Variants in TXNL4A observed in about 807,000 individuals in gnomAD.
The protein encoded by TXNL4A is thioredoxin-like protein 4A.
In TXNL4A, 17 loss-of-function variants were observed where a neutral mutation model predicts 14.6. That is an observed-to-expected ratio of 1.16 (90% CI 0.80 to 1.74). TXNL4A has a LOEUF of 1.74. TXNL4A is among the 40% of genes most tolerant of loss of function. The probability of loss-of-function intolerance (pLI) is 0.00; values close to 1 mark genes in which losing one functional copy is unlikely to be tolerated. For synonymous variants in TXNL4A, 83 were observed against 70.6 expected (o/e 1.18, Z -0.88); for missense variants, 74 against 195.2 (o/e 0.38, Z 3.70).
intron 1 of TXNL4A, among the ~76,000 whole-genome samples, chr18:79,987,988 CATTT>C (rs779841812): frequency 6.6e-6 from 1 of 152,254 alleles, no homozygotes; most frequent in Non-Finnish European, 1.5e-5. Context: ...ATAATTAATT[CATTT>C]GAGAGGAGGG....
rs544341365 is a variant in TXNL4A at position 79,997,585 on chromosome 18, G to A, written c.-60-19884C>T. On this transcript the variant is annotated intron_variant, in intron 1 of 2. Coordinates refer to the TXNL4A transcript ENST00000585474. Reference sequence around the variant, plus strand: ...AGTATTCCTGTAGATCCAGACAGCCGGTATTTGTTTACCTTTACTTGGAAA... The same window carrying A: ...AGTATTCCTGTAGATCCAGACAGCCAGTATTTGTTTACCTTTACTTGGAAA... Among the ~76,000 whole-genome samples the A allele has an allele frequency of 5.9e-5, 9 of 152,170 alleles. No individual in the cohort carries two copies. In the South Asian group the frequency reaches 1.2e-3, roughly 21 times the overall value.
intron 2 of TXNL4A, 50 bp downstream of exon 2, chr18:79,977,548 C>A: frequency 7.1e-7 from 1 of 1,412,012 alleles, no homozygotes; most frequent in Non-Finnish European, 9.9e-7. Flanking sequence ...TTACATTAAG[C>A]TTCCAAACTG....
At chr18:79,979,195 C>T (rs1447925221) in intron 1 of TXNL4A, 3 of 152,198 alleles carry the variant, frequency 2.0e-5, no homozygotes, top group Non-Finnish European at 4.4e-5. Context: ...ACCTCGGCCT[C>T]CCAAAGTGCT....
intron 1 of TXNL4A, among the ~76,000 whole-genome samples, chr18:79,997,373 C>T (rs1367810711): frequency 6.7e-6 from 1 of 148,724 alleles, no homozygotes; most frequent in Non-Finnish European, 1.5e-5. Context: ...GCCCCATATT[C>T]CCTGTAAAAC....
chr18:79,995,244 A>G (rs1264356805), intron 1 of TXNL4A: 1 of 152,232 alleles, frequency 6.6e-6, no homozygotes, highest in Non-Finnish European at 1.5e-5. Flanking sequence ...AGCTAAAGCT[A>G]AGTGGCTGGA....
upstream of TXNL4A, among the ~76,000 whole-genome samples, chr18:79,990,319 AT>A (rs2051617881): frequency 6.6e-6 from 1 of 152,256 alleles, no homozygotes; most frequent in South Asian, 2.1e-4. Context: ...CTTTCATTTT[AT>A]AATTGAGTAA....
chr18:80,004,187 G>C (rs563269483), intron 1 of TXNL4A, among the ~76,000 whole-genome samples: 1 of 152,204 alleles, frequency 6.6e-6, no homozygotes, highest in South Asian at 2.1e-4. Context: ...CCTTGGGGCA[G>C]GGTTGGCAGG....
At chr18:80,033,172 C>T (rs1382580527) in intron 1 of TXNL4A, among the ~76,000 whole-genome samples, 1 of 152,214 alleles carries the variant, frequency 6.6e-6, no homozygotes, top group Non-Finnish European at 1.5e-5. Context: ...AATATATACA[C>T]ACATACATAC....
intron 1 of TXNL4A, among the ~76,000 whole-genome samples, chr18:80,022,578 G>A (rs2051857114): frequency 1.3e-5 from 2 of 152,288 alleles, no homozygotes; most frequent in Admixed American, 6.5e-5. Flanking sequence ...TAGAATATAC[G>A]CCACTTTCTC....
chr18:79,977,888 C>T (rs546633554), intron 1 of TXNL4A, 187 bp from the exon 2 acceptor site: 11 of 574,736 alleles, frequency 1.9e-5, no homozygotes, highest in South Asian at 1.3e-4. Flanking sequence ...ACTGCAGCCT[C>T]GACCTCCCAG....
In TXNL4A at chr18:79,993,714, G is replaced by C. The variant is rs560185290; in HGVS notation, c.-60-16013C>G. ...TGTGGAATTTTCTAAAGAAATAAGA[G>C]CACTTTACTCCCCTCAGCCTTTCGG... On this transcript the variant is annotated intron_variant, in intron 1 of 2. Transcript: ENST00000585474. The surrounding 1 kb of genome is among the most constrained non-coding windows in gnomAD (Gnocchi z 4.4). 6.6e-6 allele frequency among the ~76,000 whole-genome samples: 1 copy of C among 152,270 alleles called. No individual in the cohort carries two copies. Among genetic ancestry groups the C allele is most frequent in the Non-Finnish European group, 1.5e-5 (1 of 68,016 alleles).
rs1415308669 is a variant in TXNL4A at position 79,983,288 on chromosome 18, AC to A, written c.153+4951del. Among the ~76,000 whole-genome samples, 8 of 152,368 alleles carry A rather than the reference AC, an allele frequency of 5.3e-5. No individual in the cohort carries two copies. The East Asian group carries it at 9.6e-4, about 18-fold the overall frequency. ...ACTGCTGGAATTACAGGTTTAAGCC[AC>A]GGCGCTGGCCTCAAATTGTTTTTAA... On this transcript the variant is annotated intron_variant, in intron 1 of 2. Coordinates refer to ENST00000269601, the MANE Select transcript of TXNL4A (RefSeq NM_006701.5).
intron 1 of TXNL4A, among the ~76,000 whole-genome samples, chr18:79,978,206 C>G (rs1222603288): frequency 1.3e-5 from 2 of 152,162 alleles, no homozygotes; most frequent in African/African-American, 4.8e-5. Flanking sequence ...CTGCAGAAAA[C>G]GTCCACAGAC....
At chr18:79,991,370 A>C (rs1302039437), upstream of TXNL4A, among the ~76,000 whole-genome samples, 1 of 152,074 alleles carries the variant, frequency 6.6e-6, no homozygotes, top group Non-Finnish European at 1.5e-5. Flanking sequence ...TATAGATGGA[A>C]ACACAAAATA....
chr18:80,006,998 T>C (rs1397608988), intron 1 of TXNL4A, among the ~76,000 whole-genome samples: 1 of 152,206 alleles, frequency 6.6e-6, no homozygotes, highest in African/African-American at 2.4e-5. Context: ...GGAACCTCCA[T>C]GTTGAACATA....
intron 2 of TXNL4A, 99 bp downstream of exon 2, chr18:79,977,499 C>A: frequency 9.5e-7 from 1 of 1,053,290 alleles, no homozygotes; most frequent in Non-Finnish European, 1.4e-6. Flanking sequence ...ACTGTACAAC[C>A]AACTTCCTTC....
At chr18:80,030,432 G>GCC in intron 1 of TXNL4A, 1 of 152,256 alleles carries the variant, frequency 6.6e-6, no homozygotes, top group African/African-American at 2.4e-5. Context: ...GCCACCCACT[G>GCC]ATGCCCATGA....
chr18:80,021,534 C>A (rs528974138), intron 1 of TXNL4A, among the ~76,000 whole-genome samples: 1 of 152,164 alleles, frequency 6.6e-6, no homozygotes, highest in Non-Finnish European at 1.5e-5. Flanking sequence ...CAATGGTATG[C>A]AGAAAAAGGC....
chr18:80,021,902 C>T (rs553550761), intron 1 of TXNL4A, among the ~76,000 whole-genome samples: 2 of 152,166 alleles, frequency 1.3e-5, no homozygotes, highest in South Asian at 4.2e-4. Flanking sequence ...CTTGTCCACA[C>T]CTCTGGGTTA....
Sources: allele counts gnomAD v4.1 joint callset (sites outside exome capture counted in the v4.1 genomes callset), GRCh38; gene constraint gnomAD v4.1.1; non-coding constraint Gnocchi (gnomAD v3.1); transcripts MANE v1.5; gene names NCBI Gene and HGNC (gene_info 2026-07-23, HGNC 2026-07-21).